The following DUSP22 variants were observed in gnomAD, a reference collection of about 807,000 sequenced individuals.
DUSP22 encodes dual specificity phosphatase 22.
Under a neutral mutation model 24.5 loss-of-function variants are expected in DUSP22, and 24 were observed. That is an observed-to-expected ratio of 0.98 (90% CI 0.71 to 1.38). DUSP22 has a LOEUF of 1.38. DUSP22 is among the 40% of genes most tolerant of loss of function. The pLI is 0.00. For synonymous variants in DUSP22, 160 were observed against 106.4 expected, an observed-to-expected ratio of 1.50 and a Z score of -3.10; for missense variants, 330 against 269.2, an observed-to-expected ratio of 1.23 and a Z score of -1.58.
At chr6:338,470 C>T (rs550293287) in intron 4 of DUSP22, among the ~76,000 whole-genome samples, 4 of 152,304 alleles carry the variant, frequency 2.6e-5, no homozygotes, top group Non-Finnish European at 5.9e-5. Flanking sequence ...GTGTTTATTA[C>T]CAAGTATCAG....
chr6:312,784 T>C (rs527742747), intron 3 of DUSP22, among the ~76,000 whole-genome samples: 65 of 152,396 alleles, frequency 4.3e-4, no homozygotes, highest in African/African-American at 1.4e-3. Context: ...GTATCTATTT[T>C]CTTTAGCCAT....
chr6:318,516 C>G (rs1197814945), intron 3 of DUSP22, among the ~76,000 whole-genome samples: 1 of 152,260 alleles, frequency 6.6e-6, no homozygotes, highest in Non-Finnish European at 1.5e-5. Flanking sequence ...GTGACCACAG[C>G]AGGCCTCAGC....
intron 5 of DUSP22, 40 bp from the exon 6 acceptor site, chr6:348,063 T>G (rs1320170747): frequency 6.2e-7 from 1 of 1,610,052 alleles, no homozygotes; most frequent in Non-Finnish European, 8.5e-7. Flanking sequence ...CCCGGAGATC[T>G]GAAACTGCCC....
intron 1 of DUSP22, among the ~76,000 whole-genome samples, chr6:298,680 C>A (rs1404823540): frequency 3.3e-5 from 5 of 152,292 alleles, no homozygotes. Flanking sequence ...AGGATTCTGC[C>A]TATATTGTCT....
chr6:336,715 T>C (rs1191389998), intron 4 of DUSP22, among the ~76,000 whole-genome samples: 1 of 152,296 alleles, frequency 6.6e-6, no homozygotes, highest in Admixed American at 6.5e-5. Flanking sequence ...ACGTTTAAGA[T>C]TGAGGATGGT....
intron 3 of DUSP22, among the ~76,000 whole-genome samples, chr6:317,210 A>G (rs1758372801): frequency 6.6e-6 from 1 of 152,308 alleles, no homozygotes; most frequent in South Asian, 2.1e-4. Context: ...TGAGACGCCC[A>G]GTCTGCTTGG....
chr6:329,369 C>T (rs1759034634), intron 3 of DUSP22, among the ~76,000 whole-genome samples: 1 of 152,308 alleles, frequency 6.6e-6, no homozygotes, highest in African/African-American at 2.4e-5. Context: ...ATGAAAAAGT[C>T]CTGGAGACGG....
At chr6:323,447 G>A (rs1053890749) in intron 3 of DUSP22, among the ~76,000 whole-genome samples, 33 of 152,416 alleles carry the variant, frequency 2.2e-4, no homozygotes, top group Admixed American at 3.3e-4. Context: ...AGTTCTGGGC[G>A]TGGGAACGAA....
intron 4 of DUSP22, among the ~76,000 whole-genome samples, chr6:345,304 G>A (rs1180753345): frequency 2.0e-5 from 3 of 152,210 alleles, no homozygotes; most frequent in Admixed American, 1.3e-4. Context: ...CTGCCTCCTG[G>A]GTTCAAGAAA....
chr6:316,116 C>G (rs1413724336), intron 3 of DUSP22, among the ~76,000 whole-genome samples: 2 of 152,302 alleles, frequency 1.3e-5, no homozygotes, highest in Non-Finnish European at 1.5e-5. Context: ...CCTCTGAGAA[C>G]TCTGAGTCCA....
At chr6:345,968 T>C in intron 5 of DUSP22, 40 bp downstream of exon 5, 2 of 1,608,798 alleles carry the variant, frequency 1.2e-6, no homozygotes, top group Non-Finnish European at 1.7e-6. Flanking sequence ...TAGCGTATTC[T>C]GGTCGGCTTG....
At chr6:313,434 G>T (rs1347491269) in intron 3 of DUSP22, among the ~76,000 whole-genome samples, 4 of 152,304 alleles carry the variant, frequency 2.6e-5, no homozygotes, top group Non-Finnish European at 4.4e-5. Context: ...GAGTAAAGCA[G>T]GTGGGTTTGT....
chr6:348,980 C>G lies in DUSP22; in HGVS notation c.*29C>G, dbSNP rs1296349706. ...AAGCGACCTGCTGCCTTCCTTCCCA[C>G]TGCTTGTCTTCAGTGTGCCCGGCTG... On this transcript the variant is annotated 3_prime_UTR_variant, in exon 7 of 7. Transcript: ENST00000419235. The G allele has an allele frequency of 1.3e-6, 2 of 1,558,332 alleles. No homozygotes were observed. Among genetic ancestry groups the G allele is most frequent in the Admixed American group, 1.9e-5 (1 of 51,522 alleles).
chr6:334,476 T>G (rs1431586876), intron 3 of DUSP22, among the ~76,000 whole-genome samples: 2 of 152,424 alleles, frequency 1.3e-5, no homozygotes, highest in African/African-American at 4.8e-5. Context: ...TTCTGAGTTT[T>G]ATAGAGGAGT....
Position 292,597 on chromosome 6 carries a change from G to T in DUSP22, c.21+37G>T. ...CCTCGTTCGCGCTGGGTTTGCCTCC[G>T]CTCCGACGCCCTGCCGTCTCGCCGG... On this transcript the variant is annotated intron_variant, in intron 1 of 6. Transcript: ENST00000419235. 3.2e-6 allele frequency: 5 copies of T among 1,583,590 alleles called. No individual in the cohort carries two copies. In the South Asian group the frequency reaches 4.5e-5, roughly 14 times the overall value.
chr6:330,457 GA>G (rs2127410294), intron 3 of DUSP22, among the ~76,000 whole-genome samples: 1 of 152,420 alleles, frequency 6.6e-6, no homozygotes, highest in South Asian at 2.1e-4. Flanking sequence ...AGAAAGAAAA[GA>G]ACAGTGAATG....
At chr6:338,106 G>A (rs556013430) in intron 4 of DUSP22, 4,077 of 151,310 alleles carry the variant, frequency 0.027, 4 homozygotes, top group Middle Eastern at 0.058. Context: ...ACACTCTGCT[G>A]TTGGGAGTCA....
chr6:317,540 G>A (rs947655275), intron 3 of DUSP22, among the ~76,000 whole-genome samples: 35 of 152,408 alleles, frequency 2.3e-4, no homozygotes, highest in Non-Finnish European at 4.3e-4. Flanking sequence ...AGGGTCCTCC[G>A]AGCTCAGGAC....
intron 4 of DUSP22, among the ~76,000 whole-genome samples, chr6:340,597 A>C (rs1759564738): frequency 6.6e-6 from 1 of 152,310 alleles, no homozygotes; most frequent in African/African-American, 2.4e-5. Flanking sequence ...TCTTATATAT[A>C]AGGATGCTTG....
Sources: gnomAD v4.1 joint callset for allele counts (sites outside exome capture counted in the v4.1 genomes callset) on GRCh38, gnomAD v4.1.1 for gene constraint, MANE v1.5 for transcripts, NCBI Gene and HGNC (gene_info 2026-07-23, HGNC 2026-07-21) for gene names.